Variants in SFI1 observed in about 807,000 individuals in gnomAD.
The protein encoded by SFI1 is protein SFI1 homolog.
Under a neutral mutation model 207.5 loss-of-function variants are expected in SFI1, and 195 were observed. The observed-to-expected ratio is 0.94, with a 90% CI of 0.84 to 1.06. The LOEUF is 1.06. SFI1 is among the 50% of genes least tolerant of loss of function. The pLI is 0.00. For missense variants in SFI1, 1,634 were observed against 1,588.0 expected (o/e 1.03, Z -0.49); for synonymous variants, 630 against 598.9 (o/e 1.05, Z -0.76).
intron 29 of SFI1, chr22:31,616,534 C>T (rs1190667226): frequency 1.1e-5 from 5 of 468,374 alleles, no homozygotes; most frequent in South Asian, 4.8e-5. Context: ...TGGTTGCTTG[C>T]GGGACTTTCC....
intron 7 of SFI1, among the ~76,000 whole-genome samples, chr22:31,560,270 A>T (rs953640761): frequency 6.6e-6 from 1 of 151,850 alleles, no homozygotes; most frequent in African/African-American, 2.4e-5. Flanking sequence ...GAAAAAAAAA[A>T]CAAGACTGAA....
intron 2 of SFI1, among the ~76,000 whole-genome samples, chr22:31,527,695 C>T (rs1016022225): frequency 2.0e-5 from 3 of 152,198 alleles, no homozygotes; most frequent in Admixed American, 2.0e-4. Context: ...TGAGATCAGG[C>T]CGGGTACAGT....
At chr22:31,601,548 G>A (rs1489266117) in intron 15 of SFI1, among the ~76,000 whole-genome samples, 1 of 152,168 alleles carries the variant, frequency 6.6e-6, no homozygotes, top group African/African-American at 2.4e-5. Context: ...TCCCCAAAGC[G>A]TTGGTCAGCA....
At chr22:31,524,992 C>T (rs2057743676) in intron 2 of SFI1, among the ~76,000 whole-genome samples, 1 of 151,868 alleles carries the variant, frequency 6.6e-6, no homozygotes, top group Non-Finnish European at 1.5e-5. Flanking sequence ...TGGGGTTTCA[C>T]CATGTTGGCC....
rs1050009628 is a variant in SFI1, at chr22:31,579,223, A to G, written c.1155+771A>G. 2.6e-5 allele frequency among the ~76,000 whole-genome samples: 4 copies of G among 152,102 alleles called. No individual in the cohort carries two copies. In the East Asian group the frequency reaches 7.7e-4, roughly 29 times the overall value. On this transcript the variant is annotated intron_variant, in intron 11 of 32. Transcript: ENST00000400288. ...CAGTGTTAAAATCATAGCTTGCTGC[A>G]GCCTTGAACTCCTGGACTCAAGTGA...
At chr22:31,562,055 G>T (rs538723428) in intron 8 of SFI1, among the ~76,000 whole-genome samples, 1 of 152,212 alleles carries the variant, frequency 6.6e-6, no homozygotes, top group South Asian at 2.1e-4. Context: ...ATGTGAATAC[G>T]TGCAGATCAC....
chr22:31,530,980 C>T lies in SFI1; in HGVS notation c.267-78C>T, dbSNP rs539272779. 4.5e-5 allele frequency: 55 copies of T among 1,225,606 alleles called. No individual in the cohort carries two copies. In the African/African-American group the frequency reaches 7.9e-4, roughly 18 times the overall value. 75.9% of individuals were successfully genotyped at this position (1,225,606 alleles called of 1,614,324 possible). On this transcript the variant is annotated intron_variant, in intron 3 of 32. Transcript: ENST00000400288. ...CCCTCTGCTGAGACCTTAAAGGCTT[C>T]CTTTCCTTTCCAGAAAACTGCTGAT...
intron 2 of SFI1, among the ~76,000 whole-genome samples, chr22:31,523,013 C>T (rs545716464): frequency 2.0e-5 from 3 of 152,250 alleles, no homozygotes; most frequent in East Asian, 1.9e-4. Context: ...TTTTTAAATC[C>T]ATTATCAGTT....
chr22:31,582,414 GC>G (rs1442464928), intron 12 of SFI1, among the ~76,000 whole-genome samples: 1 of 149,410 alleles, frequency 6.7e-6, no homozygotes, highest in Non-Finnish European at 1.5e-5. Context: ...ATCACGCCTG[GC>G]CAATTTTTGT....
rs560387157 is a variant in SFI1 at position 31,515,763 on chromosome 22, C to T, written c.92+7387C>T. 4.1e-4 allele frequency among the ~76,000 whole-genome samples: 57 copies of T among 137,490 alleles called. 1 individual carries two copies. The highest frequency in any genetic ancestry group is 1.1e-3 in the African/African-American group (40 of 37,050). 90.2% of individuals were successfully genotyped at this position (137,490 alleles called of 152,430 possible). A position where few individuals can be genotyped will look rare whatever the true frequency, so the allele number is the denominator to read the frequency against. ...TTTTTTTTTTCTTTTTTTGAGATGG[C>T]GTCTCCCTCTGTTGCCCAGGCTGGA... On this transcript the variant is annotated intron_variant, in intron 2 of 32. Transcript: ENST00000400288.
chr22:31,562,882 T>C (rs2148315597), intron 8 of SFI1, among the ~76,000 whole-genome samples: 1 of 152,024 alleles, frequency 6.6e-6, no homozygotes, highest in Middle Eastern at 3.4e-3. Flanking sequence ...ATGGCCTGCA[T>C]CGGCCTCCCA....
At chr22:31,497,083 A>G (rs907597697) in intron 1 of SFI1, among the ~76,000 whole-genome samples, 4 of 152,202 alleles carry the variant, frequency 2.6e-5, no homozygotes, top group African/African-American at 9.6e-5. Context: ...GGAGTAACGC[A>G]GTAAACAAAC....
intron 15 of SFI1, among the ~76,000 whole-genome samples, chr22:31,595,599 TAAG>T (rs2066984638): frequency 6.6e-6 from 1 of 152,160 alleles, no homozygotes; most frequent in South Asian, 2.1e-4. Context: ...TGTGAGGAGA[TAAG>T]AAACAACTGA....
chr22:31,546,217 T>G (rs1481957874), intron 4 of SFI1, among the ~76,000 whole-genome samples: 1 of 151,888 alleles, frequency 6.6e-6, no homozygotes, highest in African/African-American at 2.4e-5. Flanking sequence ...TTGCCCAGGT[T>G]GGTCTTGAAC....
At chr22:31,581,588 G>A (rs111962997) in intron 12 of SFI1, among the ~76,000 whole-genome samples, 1,979 of 152,144 alleles carry the variant, frequency 0.013, 44 homozygotes, top group African/African-American at 0.044. Context: ...CACCATGCCC[G>A]GCCCCAATAG....
At chr22:31,617,967 G>A (rs1372361104) in intron 31 of SFI1, 148 bp from the exon 32 acceptor site, 5 of 812,654 alleles carry the variant, frequency 6.2e-6, no homozygotes, top group South Asian at 1.9e-5. Context: ...TCCCAAGCAG[G>A]GGCCTGCAGT....
intron 1 of SFI1, among the ~76,000 whole-genome samples, chr22:31,500,175 TGTG>T (rs1351635280): frequency 6.8e-6 from 1 of 147,392 alleles, no homozygotes; most frequent in African/African-American, 2.5e-5. Context: ...AAAAGCCAGT[TGTG>T]GTGGCGGGCA....
At chr22:31,568,946 G>A (rs1450461485) in intron 8 of SFI1, among the ~76,000 whole-genome samples, 1 of 152,106 alleles carries the variant, frequency 6.6e-6, no homozygotes, top group Admixed American at 6.5e-5. Context: ...CAAAGAAAGT[G>A]GAACTCATCG....
chr22:31,611,266 G>A lies in SFI1; in HGVS notation c.2378G>A (p.Arg793Gln), dbSNP rs369423375. The A allele has an allele frequency of 1.8e-4, 283 of 1,611,396 alleles. No homozygotes were observed. The highest frequency in any genetic ancestry group is 2.1e-4 in the Non-Finnish European group (253 of 1,178,658). The change falls in exon 23 of 33, where the codon CGG becomes CAG. Residue 793 changes from arginine (R) to glutamine (Q), a missense_variant. Arg to Gln is a conservative substitution (Grantham distance 43). Coordinates refer to ENST00000400288, the MANE Select transcript of SFI1 (RefSeq NM_001007467.3). The stretch of plus-strand genomic sequence containing the variant: ...CAGCTGCTGCTGGAGGGGCTGGCCC[G>A]GTGGAAGACGCACCATCTGCAGTGT... ...HRQLLLEGLA[R>Q]WKTHHLQCVR...
Sources: allele counts gnomAD v4.1 joint callset (sites outside exome capture counted in the v4.1 genomes callset), GRCh38; gene constraint gnomAD v4.1.1; transcripts MANE v1.5; gene names NCBI Gene and HGNC (gene_info 2026-07-23, HGNC 2026-07-21).